The following LIN28B variants were observed in gnomAD, a reference collection of about 807,000 sequenced individuals.
LIN28B encodes the protein lin-28 RNA binding posttranscriptional regulator B.
LIN28B carries 5 observed loss-of-function variants against 21.9 expected under a neutral mutation model. The ratio of observed to expected loss-of-function variants is 0.23; its 90% CI spans 0.12 to 0.48. The LOEUF is 0.48. Ranked by LOEUF, LIN28B falls within the 20% of genes least tolerant of loss-of-function variation. The pLI, the probability that LIN28B is intolerant of heterozygous loss-of-function variation, is 0.98. For missense variants in LIN28B, 245 were observed against 310.5 expected, an observed-to-expected ratio of 0.79 and a Z score of 1.58; for synonymous variants, 109 against 111.3, an observed-to-expected ratio of 0.98 and a Z score of 0.13.
chr6:104,999,795 C>T (rs553824637), intron 2 of LIN28B, among the ~76,000 whole-genome samples: 1 of 152,214 alleles, frequency 6.6e-6, no homozygotes, highest in South Asian at 2.1e-4. Flanking sequence ...ATTCTCCTGC[C>T]TCAGCCCCCG....
chr6:105,051,582 C>G (rs935352941), intron 3 of LIN28B, among the ~76,000 whole-genome samples: 5 of 151,462 alleles, frequency 3.3e-5, no homozygotes, highest in Non-Finnish European at 5.9e-5. Flanking sequence ...AAGACGTATA[C>G]TCTGAGTTCT....
intron 3 of LIN28B, among the ~76,000 whole-genome samples, chr6:105,030,722 G>A (rs141713629): frequency 8.7e-4 from 130 of 149,700 alleles, no homozygotes; most frequent in African/African-American, 2.8e-3. Context: ...TCAGCCTCCC[G>A]AGTAGCCGGG....
intron 3 of LIN28B, among the ~76,000 whole-genome samples, chr6:105,054,733 A>G (rs1771987085): frequency 6.6e-6 from 1 of 152,180 alleles, no homozygotes; most frequent in East Asian, 1.9e-4. Context: ...TCCTGTCCCC[A>G]TGCCCCAGGG....
At chr6:105,026,245 A>T in intron 2 of LIN28B, 53 bp from the exon 3 acceptor site, 1 of 912,722 alleles carries the variant, frequency 1.1e-6, no homozygotes, top group Non-Finnish European at 1.6e-6. Context: ...TTTATAAAGC[A>T]ATGATAATTT....
intron 2 of LIN28B, among the ~76,000 whole-genome samples, chr6:104,991,748 C>T (rs538661981): frequency 1.3e-5 from 2 of 152,330 alleles, no homozygotes; most frequent in South Asian, 4.1e-4. Context: ...AACGAGACTC[C>T]GTCTGCAATC....
At chr6:105,075,661 C>T (rs1055556473) in intron 3 of LIN28B, among the ~76,000 whole-genome samples, 1 of 152,102 alleles carries the variant, frequency 6.6e-6, no homozygotes, top group African/African-American at 2.4e-5. Flanking sequence ...TTAAAAATAA[C>T]TTTTATAGCC....
At chr6:105,043,287 T>G (rs1022457833) in intron 3 of LIN28B, among the ~76,000 whole-genome samples, 17 of 123,226 alleles carry the variant, frequency 1.4e-4, no homozygotes, top group African/African-American at 4.6e-4. Flanking sequence ...CCGGGCATAG[T>G]GGCGCACGCC....
chr6:104,993,625 CAGG>C lies in LIN28B; in HGVS notation c.199-32670_199-32668del, dbSNP rs765834041. Among the ~76,000 whole-genome samples, 82 of 151,984 alleles carry C rather than the reference CAGG, an allele frequency of 5.4e-4. No individual in the cohort carries two copies. The Middle Eastern group carries it at 0.014, about 25-fold the overall frequency. On this transcript the variant is annotated intron_variant, in intron 2 of 3. Coordinates refer to ENST00000345080, the MANE Select transcript of LIN28B (RefSeq NM_001004317.4). ...CCGAGGTGGGTGGATTGCTCGAGGC[CAGG>C]AGTTCAAGACCAGCCTGGCCAAGAT...
chr6:104,949,719 GTCACCAGGAGT>G (rs1340583561), intron 2 of LIN28B, among the ~76,000 whole-genome samples: 1 of 152,084 alleles, frequency 6.6e-6, no homozygotes, highest in Non-Finnish European at 1.5e-5. Context: ...TAATTTAGTA[GTCACCAGGAGT>G]TCCTCTTCCA....
chr6:105,044,810 G>C (rs548787047), intron 3 of LIN28B, among the ~76,000 whole-genome samples: 41 of 152,246 alleles, frequency 2.7e-4, no homozygotes, highest in African/African-American at 9.4e-4. Flanking sequence ...TGCCCGACTA[G>C]TGCACGTTCT....
chr6:105,024,895 A>G (rs376942731), intron 2 of LIN28B, among the ~76,000 whole-genome samples: 126 of 152,314 alleles, frequency 8.3e-4, no homozygotes, highest in African/African-American at 2.8e-3. Context: ...CTGTACTTAA[A>G]GAAGGGGCTC....
At chr6:104,956,690 G>A (rs77224547), upstream of LIN28B, among the ~76,000 whole-genome samples, 367 of 152,218 alleles carry the variant, frequency 2.4e-3, 12 homozygotes, top group East Asian at 0.058. Context: ...CCATGGAATA[G>A]CTGAATTCTT....
chr6:105,008,746 G>C (rs964801236), intron 2 of LIN28B, among the ~76,000 whole-genome samples: 1 of 152,114 alleles, frequency 6.6e-6, no homozygotes, highest in African/African-American at 2.4e-5. Context: ...CTACATAGCG[G>C]AAGCAGTTGA....
chr6:104,975,331 C>T (rs186188034), intron 2 of LIN28B, among the ~76,000 whole-genome samples: 1 of 151,852 alleles, frequency 6.6e-6, no homozygotes, highest in African/African-American at 2.4e-5. Flanking sequence ...CTGTTAATTC[C>T]TCTGCAGATT....
rs915672042 is a variant in LIN28B, at chr6:104,991,296, C to T, written c.198+33010C>T. Among the ~76,000 whole-genome samples the T allele has an allele frequency of 2.7e-5, 4 of 150,798 alleles. No homozygotes were observed. In the South Asian group the frequency reaches 6.3e-4, roughly 24 times the overall value. ...GTGGAGGGGCGCCTCACTTCTCGGA[C>T]GGGGCGGCTGCCGCGCGGAGGGGCT... On this transcript the variant is annotated intron_variant, in intron 2 of 3. Coordinates refer to ENST00000345080, the MANE Select transcript of LIN28B (RefSeq NM_001004317.4).
At chr6:105,009,629 A>G (rs1344446140) in intron 2 of LIN28B, among the ~76,000 whole-genome samples, 2 of 152,194 alleles carry the variant, frequency 1.3e-5, no homozygotes, top group African/African-American at 2.4e-5. Flanking sequence ...TGTCATTGCA[A>G]TAAGGGGTGA....
intron 2 of LIN28B, among the ~76,000 whole-genome samples, chr6:105,010,899 AT>A (rs1221204785): frequency 2.6e-5 from 4 of 152,002 alleles, no homozygotes; most frequent in African/African-American, 9.7e-5. Context: ...AATTATTTTC[AT>A]TTTTTTCCTA....
intron 2 of LIN28B, among the ~76,000 whole-genome samples, chr6:104,959,667 C>G (rs764153851): frequency 2.0e-5 from 3 of 152,200 alleles, no homozygotes; most frequent in African/African-American, 7.2e-5. Context: ...ATACAGACTA[C>G]TGGATTTTAT....
rs1439468794 is a variant in LIN28B, at chr6:105,082,050, C to T, written c.*3267C>T. ...TGTCAACACAAATGTAATTCCTAAACAAGATGCATTGCCAGTCTCTTAGCC... is the reference window on the plus strand; with the variant it reads ...TGTCAACACAAATGTAATTCCTAAATAAGATGCATTGCCAGTCTCTTAGCC... On this transcript the variant is annotated 3_prime_UTR_variant, in exon 4 of 4. Coordinates refer to ENST00000345080, the MANE Select transcript of LIN28B (RefSeq NM_001004317.4). The T allele has an allele frequency of 1.3e-5, 2 of 152,614 alleles. No individual in the cohort carries two copies. The highest frequency in any genetic ancestry group is 2.9e-5 in the Non-Finnish European group (2 of 68,048). The allele number at this position is 152,614 out of a possible 1,614,324, so 9.5% of individuals were successfully genotyped here. A position where few individuals can be genotyped will look rare whatever the true frequency, so the allele number is the denominator to read the frequency against.
Sources: allele counts gnomAD v4.1 joint callset (sites outside exome capture counted in the v4.1 genomes callset), GRCh38; gene constraint gnomAD v4.1.1; transcripts MANE v1.5; gene names NCBI Gene and HGNC (gene_info 2026-07-23, HGNC 2026-07-21).